Variants in TNIK observed in about 807,000 individuals in gnomAD.
TNIK encodes the protein TRAF2 and NCK interacting kinase.
In TNIK, 49 loss-of-function variants were observed where a neutral mutation model predicts 191.3. The ratio of observed to expected loss-of-function variants is 0.26; its 90% CI spans 0.20 to 0.32. TNIK has a LOEUF of 0.32. TNIK is among the 10% of genes least tolerant of loss of function. The pLI is 1.00. For synonymous variants in TNIK, 594 were observed against 600.9 expected, an observed-to-expected ratio of 0.99 and a Z score of 0.17; for missense variants, 1,155 against 1,702.3, an observed-to-expected ratio of 0.68 and a Z score of 5.66.
At chr3:171,222,821 A>T (rs1425261861) in intron 3 of TNIK, among the ~76,000 whole-genome samples, 1 of 152,144 alleles carries the variant, frequency 6.6e-6, no homozygotes, top group East Asian at 1.9e-4. Context: ...CTAGTAGGCA[A>T]TCCTACGGTG....
intron 5 of TNIK, among the ~76,000 whole-genome samples, chr3:171,191,342 G>A (rs1560239379): frequency 1.3e-5 from 2 of 152,166 alleles, no homozygotes; most frequent in Admixed American, 1.3e-4. Context: ...CTGTGTCTTG[G>A]ATTCAAGCGA....
chr3:171,254,205 C>A (rs576543927), intron 2 of TNIK, among the ~76,000 whole-genome samples: 4 of 152,108 alleles, frequency 2.6e-5, no homozygotes, highest in African/African-American at 9.7e-5. Flanking sequence ...CTTAATGTAG[C>A]GTGTCTATTA....
At chr3:171,387,101 A>C (rs1163809656) in intron 1 of TNIK, among the ~76,000 whole-genome samples, 1 of 152,202 alleles carries the variant, frequency 6.6e-6, no homozygotes, top group African/African-American at 2.4e-5. Flanking sequence ...TTTTCAGTAC[A>C]TATTTTACAA....
At chr3:171,282,523 T>TA (rs1255867130) in intron 2 of TNIK, among the ~76,000 whole-genome samples, 1 of 151,968 alleles carries the variant, frequency 6.6e-6, no homozygotes, top group Non-Finnish European at 1.5e-5. Flanking sequence ...TTTGTATTTT[T>TA]AGTAAAGACG....
At chr3:171,302,764 G>A (rs1753021316) in intron 2 of TNIK, among the ~76,000 whole-genome samples, 1 of 152,148 alleles carries the variant, frequency 6.6e-6, no homozygotes, top group East Asian at 1.9e-4. Flanking sequence ...ATAAAAGAAT[G>A]AGAACTCAAG....
At chr3:171,116,469 A>T (rs548499984) in intron 18 of TNIK, among the ~76,000 whole-genome samples, 1 of 152,272 alleles carries the variant, frequency 6.6e-6, no homozygotes, top group Non-Finnish European at 1.5e-5. Context: ...CAATTATTCC[A>T]TTCATTTGAA....
chr3:171,324,915 G>A (rs985750191), intron 2 of TNIK, among the ~76,000 whole-genome samples: 3 of 151,724 alleles, frequency 2.0e-5, no homozygotes, highest in Non-Finnish European at 4.4e-5. Flanking sequence ...TGGCTAACAT[G>A]GTGAAACCCC....
intron 22 of TNIK, among the ~76,000 whole-genome samples, chr3:171,095,716 A>C (rs1484043874): frequency 6.6e-6 from 1 of 152,222 alleles, no homozygotes; most frequent in African/African-American, 2.4e-5. Flanking sequence ...AGGTGAAAAA[A>C]TGACAGGGGG....
intron 2 of TNIK, among the ~76,000 whole-genome samples, chr3:171,244,153 C>T (rs974994427): frequency 1.7e-4 from 26 of 151,774 alleles, no homozygotes; most frequent in Admixed American, 1.2e-3. Flanking sequence ...CAAGCTCCGC[C>T]TCCCGGGTTC....
At chr3:171,313,087 G>T (rs1291100953) in intron 2 of TNIK, among the ~76,000 whole-genome samples, 1 of 151,960 alleles carries the variant, frequency 6.6e-6, no homozygotes, top group African/African-American at 2.4e-5. Context: ...AACGAAGGAA[G>T]AATGCAAATG....
intron 18 of TNIK, among the ~76,000 whole-genome samples, chr3:171,113,596 A>ACTC (rs1431565206): frequency 6.7e-6 from 1 of 148,582 alleles, no homozygotes; most frequent in Non-Finnish European, 1.5e-5. Context: ...ACAGAGCGAG[A>ACTC]CTCTGTCTGT....
chr3:171,405,550 C>T (rs1305039483), intron 1 of TNIK, among the ~76,000 whole-genome samples: 3 of 148,626 alleles, frequency 2.0e-5, no homozygotes, highest in East Asian at 3.9e-4. Flanking sequence ...AGAGGCAACA[C>T]ACCGAGTTAA....
At chr3:171,347,596 A>G (rs1311049937) in intron 2 of TNIK, among the ~76,000 whole-genome samples, 2 of 152,214 alleles carry the variant, frequency 1.3e-5, no homozygotes, top group African/African-American at 4.8e-5. Context: ...ACCTAAATAA[A>G]GATCCTTGAA....
intron 29 of TNIK, 149 bp from the exon 30 acceptor site, chr3:171,069,146 T>C (rs1385405238): frequency 7.0e-6 from 7 of 999,352 alleles, no homozygotes; most frequent in African/African-American, 6.5e-5. Flanking sequence ...CTGTTGATAT[T>C]CTGGCCCTAG....
rs573327194 is a variant in TNIK at position 171,207,337 on chromosome 3, T to C, written c.306+3779A>G. Among the ~76,000 whole-genome samples, 13 of 152,084 alleles carry C rather than the reference T, an allele frequency of 8.5e-5. No individual in the cohort carries two copies. The East Asian group carries it at 2.5e-3, about 29-fold the overall frequency. ...CTTCTCTCTACATCCTCACCAACAATATACAAATTCTTTTTCTTTTTTTTT... is the reference window on the plus strand; with the variant it reads ...CTTCTCTCTACATCCTCACCAACAACATACAAATTCTTTTTCTTTTTTTTT... On this transcript the variant is annotated intron_variant, in intron 4 of 32. Coordinates refer to ENST00000436636, the MANE Select transcript of TNIK (RefSeq NM_015028.4).
Position 171,101,603 on chromosome 3 carries a change from C to T in TNIK, c.2437G>A (p.Glu813Lys). Residue 813 changes from glutamate to lysine, a missense_variant, in exon 22 of 33, where the codon GAA becomes AAA. Physicochemically the swap from Glu to Lys is moderately conservative, Grantham distance 56 (BLOSUM62 1). This residue lies in a region of TNIK where 735 missense variants were observed against 848.0 expected (regional missense o/e 0.87). Coordinates refer to ENST00000436636, the MANE Select transcript of TNIK (RefSeq NM_015028.4). ...CGGTTTGTTTCTTCAATCCGGAGTTCTCTTAGTTCTTTGGCTAATGCCGTC... is the reference window on the plus strand; with the variant it reads ...CGGTTTGTTTCTTCAATCCGGAGTTTTCTTAGTTCTTTGGCTAATGCCGTC... ...DLTALAKELR[E>K]LRIEETNRPM... 6.2e-7 allele frequency: 1 copy of T among 1,613,166 alleles called. No homozygotes were observed. Among genetic ancestry groups the T allele is most frequent in the Non-Finnish European group, 8.5e-7 (1 of 1,179,414 alleles).
At chr3:171,233,086 T>C (rs1743862293) in intron 2 of TNIK, among the ~76,000 whole-genome samples, 1 of 152,234 alleles carries the variant, frequency 6.6e-6, no homozygotes, top group South Asian at 2.1e-4. Context: ...ACCATCTTTG[T>C]TGAAAATTCA....
intron 1 of TNIK, among the ~76,000 whole-genome samples, chr3:171,408,466 C>T (rs529932034): frequency 3.3e-5 from 5 of 152,242 alleles, no homozygotes; most frequent in Admixed American, 1.3e-4. Context: ...ATTCATTCCG[C>T]CATGAAGGAC....
rs536448932 is a variant in TNIK, at chr3:171,200,227, TTAAA to T, written c.307-5596_307-5593del. ...CTAAATAAATAACTGGGTCAGAAAC[TTAAA>T]TAAACATGCATACCACTTGAGAAGA... On this transcript the variant is annotated intron_variant, in intron 4 of 32. Transcript: ENST00000436636. Among the ~76,000 whole-genome samples, 440 of 150,374 alleles carry T rather than the reference TTAAA, an allele frequency of 2.9e-3. 1 individual carries two copies. Among genetic ancestry groups the T allele is most frequent in the Middle Eastern group, 0.01 (3 of 292 alleles).
Sources: gnomAD v4.1 joint callset for allele counts (sites outside exome capture counted in the v4.1 genomes callset) on GRCh38, gnomAD v4.1.1 for gene constraint, gnomAD v4.1.1 regional missense constraint, MANE v1.5 for transcripts, NCBI Gene and HGNC (gene_info 2026-07-23, HGNC 2026-07-21) for gene names.